Variants in FAM135B observed in about 807,000 individuals in gnomAD.
FAM135B encodes protein FAM135B.
In FAM135B, 43 loss-of-function variants were observed where a neutral mutation model predicts 127.7. The observed-to-expected ratio is 0.34, with a 90% CI of 0.26 to 0.43. The LOEUF is 0.43. Among genes scored for constraint, FAM135B ranks in the 20% least tolerant of loss-of-function variants. FAM135B has a pLI of 1.00. For synonymous variants in FAM135B, 670 were observed against 665.1 expected (o/e 1.01, Z -0.11); for missense variants, 1,558 against 1,725.6 (o/e 0.90, Z 1.72).
chr8:138,492,081 A>G (rs1330891536), intron 1 of FAM135B, among the ~76,000 whole-genome samples: 1 of 152,208 alleles, frequency 6.6e-6, no homozygotes, highest in South Asian at 2.1e-4. Context: ...ATCTGATTTT[A>G]GTTTTATAAA....
At position 138,152,814 on chromosome 8, in the gene FAM135B, A is replaced by G. The variant is rs374654603; in HGVS notation, c.1661T>C (p.Ile554Thr). The change falls in exon 13 of 20, where the codon ATT (isoleucine) becomes ACT (threonine). Residue 554 changes from isoleucine to threonine, a missense_variant. Transcript: ENST00000395297. ...GTTCTTATTGCTAGATTTTACGTCA[A>G]TGTAGGTCAGCACTGGGGCCTGTCC... Reference protein sequence around the residue: ...EDGQAPVLTYIDVKSSNKNPS... With the variant: ...EDGQAPVLTYTDVKSSNKNPS... The G allele has an allele frequency of 2.0e-5, 32 of 1,613,996 alleles. No individual in the cohort carries two copies. The highest frequency in any genetic ancestry group is 1.2e-4 in the Admixed American group (7 of 59,998).
chr8:138,245,706 G>A (rs1821225668), intron 6 of FAM135B, among the ~76,000 whole-genome samples: 1 of 152,182 alleles, frequency 6.6e-6, no homozygotes, highest in Non-Finnish European at 1.5e-5. Flanking sequence ...AGAGTGGGGT[G>A]TTGCTATAAG....
intron 15 of FAM135B, among the ~76,000 whole-genome samples, chr8:138,145,072 T>C (rs910250246): frequency 1.3e-5 from 2 of 152,194 alleles, no homozygotes; most frequent in African/African-American, 4.8e-5. Flanking sequence ...TGGAGTGCAG[T>C]GGTGCAATCA....
chr8:138,398,976 C>G (rs911967227), intron 1 of FAM135B, among the ~76,000 whole-genome samples: 1 of 152,186 alleles, frequency 6.6e-6, no homozygotes, highest in South Asian at 2.1e-4. Flanking sequence ...CATTAGGATT[C>G]TAGAACAGAG....
At chr8:138,385,857 A>G (rs1832171385) in intron 1 of FAM135B, among the ~76,000 whole-genome samples, 1 of 152,138 alleles carries the variant, frequency 6.6e-6, no homozygotes, top group Non-Finnish European at 1.5e-5. Context: ...GGACACATAG[A>G]AGGAAACGGG....
In FAM135B at chr8:138,152,349, C is replaced by T. The variant is rs753074288; in HGVS notation, c.2126G>A (p.Ser709Asn). 1 of 1,614,156 alleles carries T rather than the reference C, an allele frequency of 6.2e-7. No homozygotes were observed. The highest frequency in any genetic ancestry group is 8.5e-7 in the Non-Finnish European group (1 of 1,180,032). ...AAACGGGTGCAAGACTTCCCGATCA[C>T]TGGGCAACTCCAGAGCCCTGCTTCG... ...EARSRALELP[S>N]DREVLHPFVR... The change falls in exon 13 of 20, where the codon AGT becomes AAT. Residue 709 changes from serine to asparagine, a missense_variant. Ser to Asn is a conservative substitution (Grantham distance 46, BLOSUM62 1). Transcript: ENST00000395297.
rs74643619 is a variant in FAM135B at position 138,153,220 on chromosome 8, C to T, written c.1259-4G>A. The T allele has an allele frequency of 5.5e-6, 8 of 1,443,936 alleles. No individual in the cohort carries two copies. The highest frequency in any genetic ancestry group is 7.4e-6 in the Non-Finnish European group (8 of 1,074,440). The allele number at this position is 1,443,936 out of a possible 1,614,324, so 89.4% of individuals were successfully genotyped here. A position where few individuals can be genotyped will look rare whatever the true frequency, so the allele number is the denominator to read the frequency against. On this transcript the variant is annotated splice_polypyrimidine_tract_variant and splice_region_variant and intron_variant, in intron 12 of 19. Coordinates refer to ENST00000395297, the MANE Select transcript of FAM135B (RefSeq NM_015912.4). ...GGATAAACACTCAAGTTATGCCCTA[C>T]AAAAAAAAAAGAAAGAAAATTATAT...
intron 4 of FAM135B, among the ~76,000 whole-genome samples, chr8:138,262,671 C>A (rs1179073188): frequency 6.6e-6 from 1 of 151,762 alleles, no homozygotes; most frequent in East Asian, 1.9e-4. Context: ...GAGGCTGAGG[C>A]GGGTGGATCG....
chr8:138,346,179 A>G (rs1829398647), intron 2 of FAM135B, among the ~76,000 whole-genome samples: 1 of 152,234 alleles, frequency 6.6e-6, no homozygotes, highest in Non-Finnish European at 1.5e-5. Context: ...GCAGATAAAA[A>G]GGAACACTTT....
chr8:138,469,941 G>A (rs1335943339), intron 1 of FAM135B, among the ~76,000 whole-genome samples: 2 of 152,166 alleles, frequency 1.3e-5, no homozygotes, highest in East Asian at 1.9e-4. Context: ...TCATTCATTC[G>A]TTATTAACTC....
intron 1 of FAM135B, among the ~76,000 whole-genome samples, chr8:138,451,296 C>A (rs577436543): frequency 1.8e-4 from 27 of 152,304 alleles, no homozygotes; most frequent in Admixed American, 3.9e-4. Flanking sequence ...TTGTTTGCTA[C>A]CAAGAACCTT....
chr8:138,161,037 C>G lies in FAM135B; in HGVS notation c.1258+6858G>C, dbSNP rs561156744. 3.3e-4 allele frequency among the ~76,000 whole-genome samples: 51 copies of G among 152,240 alleles called. 1 individual carries two copies. The highest frequency in any genetic ancestry group is 1.2e-3 in the African/African-American group (50 of 41,550). Reference sequence around the variant, plus strand: ...TTATCCTATTAGAGGTCACTTTGCTCAACTCTACAATGGGAAGATTCAAAA... The same window carrying G: ...TTATCCTATTAGAGGTCACTTTGCTGAACTCTACAATGGGAAGATTCAAAA... On this transcript the variant is annotated intron_variant, in intron 12 of 19. Coordinates refer to ENST00000395297, the MANE Select transcript of FAM135B (RefSeq NM_015912.4).
intron 1 of FAM135B, among the ~76,000 whole-genome samples, chr8:138,372,983 A>G (rs1357686271): frequency 6.6e-6 from 1 of 152,180 alleles, no homozygotes; most frequent in Non-Finnish European, 1.5e-5. Flanking sequence ...AGTTTAAATG[A>G]CAATTAAATT....
At chr8:138,430,576 ACGGTGGAAGTTGTGAAT>A (rs1348394939) in intron 1 of FAM135B, among the ~76,000 whole-genome samples, 1 of 152,158 alleles carries the variant, frequency 6.6e-6, no homozygotes, top group Non-Finnish European at 1.5e-5. Context: ...CCACAAGGTG[ACGGTGGAAGTTGTGAAT>A]CTCCTAAGGC....
intron 1 of FAM135B, among the ~76,000 whole-genome samples, chr8:138,420,657 T>A (rs888278537): frequency 1.3e-5 from 2 of 151,578 alleles, no homozygotes; most frequent in Non-Finnish European, 2.9e-5. Context: ...ATCAGTAGGC[T>A]TTTTTTCCTA....
At chr8:138,299,108 TAAAATA>T (rs1242744243) in intron 3 of FAM135B, among the ~76,000 whole-genome samples, 3 of 139,752 alleles carry the variant, frequency 2.1e-5, no homozygotes, top group Non-Finnish European at 4.7e-5. Context: ...AATAAATAAA[TAAAATA>T]AAAATAAAAA....
At chr8:138,402,925 T>C (rs141954439) in intron 1 of FAM135B, among the ~76,000 whole-genome samples, 9 of 152,210 alleles carry the variant, frequency 5.9e-5, no homozygotes, top group Non-Finnish European at 1.0e-4. Context: ...TCAAGGGAGA[T>C]GAGTGACCTT....
At chr8:138,227,463 T>C (rs1225988309) in intron 7 of FAM135B, among the ~76,000 whole-genome samples, 1 of 152,194 alleles carries the variant, frequency 6.6e-6, no homozygotes, top group African/African-American at 2.4e-5. Flanking sequence ...TTAGCAAAAC[T>C]CCAGGCATAC....
intron 13 of FAM135B, 146 bp downstream of exon 13, chr8:138,151,048 A>G: frequency 7.1e-6 from 3 of 422,134 alleles, no homozygotes; most frequent in Non-Finnish European, 8.1e-6. Flanking sequence ...TATATATGAT[A>G]TATTATCTAT....
Sources: gnomAD v4.1 joint callset for allele counts (sites outside exome capture counted in the v4.1 genomes callset) on GRCh38, gnomAD v4.1.1 for gene constraint, MANE v1.5 for transcripts, NCBI Gene and HGNC (gene_info 2026-07-23, HGNC 2026-07-21) for gene names.